Variants in ZNF273 observed in about 807,000 individuals in gnomAD.
ZNF273 encodes the protein zinc finger protein 273, also known as zinc finger protein 9.
ZNF273 carries 11 observed loss-of-function variants against 14.9 expected under a neutral mutation model. The observed-to-expected ratio is 0.74, with a 90% confidence interval of 0.46 to 1.22. ZNF273 has a LOEUF of 1.22. Among genes scored for constraint, ZNF273 ranks in the 50% most tolerant of loss-of-function variants. ZNF273 has a pLI of 0.00. For missense variants in ZNF273, 577 were observed against 660.6 expected, an observed-to-expected ratio of 0.87 and a Z score of 1.39; for synonymous variants, 199 against 223.9, an observed-to-expected ratio of 0.89 and a Z score of 0.99.
chr7:64,909,341 C>T (rs137870390), intron 1 of ZNF273, among the ~76,000 whole-genome samples: 7,761 of 152,084 alleles, frequency 0.051, 620 homozygotes, highest in African/African-American at 0.17. Flanking sequence ...TCTCCTGCCT[C>T]AGCCTCCCAA....
chr7:64,931,040 CAT>C (rs1357658391), downstream of ZNF273: 1 of 152,044 alleles, frequency 6.6e-6, no homozygotes, highest in Non-Finnish European at 1.5e-5. Context: ...TGCCTGCAAA[CAT>C]ATAAAGACTC....
chr7:64,896,670 C>G (rs1338583169), intron 3 of ZNF273, among the ~76,000 whole-genome samples: 1 of 151,882 alleles, frequency 6.6e-6, no homozygotes, highest in Non-Finnish European at 1.5e-5. Flanking sequence ...TAAAACAGCC[C>G]TTGGAAAAAT....
upstream of ZNF273, among the ~76,000 whole-genome samples, chr7:64,901,733 A>C (rs970986879): frequency 7.0e-6 from 1 of 143,712 alleles, no homozygotes; most frequent in Non-Finnish European, 1.5e-5. Flanking sequence ...GGCGGATCAC[A>C]TGAGGTTGGG....
At chr7:64,932,366 A>G (rs1795008008), downstream of ZNF273, among the ~76,000 whole-genome samples, 1 of 152,066 alleles carries the variant, frequency 6.6e-6, no homozygotes, top group South Asian at 2.1e-4. Flanking sequence ...GCTGGAGTGC[A>G]ATGGCGCGAT....
Position 64,903,304 on chromosome 7 carries a change from G to A in ZNF273, c.-14G>A, listed in dbSNP as rs560168551. On this transcript the variant is annotated 5_prime_UTR_variant, in exon 1 of 4. Transcript: ENST00000476120. ...CGCTGCAGTCGCAGCTCCAGGTCTC[G>A]TCTTCACTGCTCTATGTCCTCTGCT... 3.1e-6 allele frequency: 5 copies of A among 1,603,314 alleles called. No homozygotes were observed. The highest frequency in any genetic ancestry group is 2.2e-5 in the South Asian group (2 of 90,752).
chr7:64,893,232 A>T (rs1792143904), downstream of ZNF273, among the ~76,000 whole-genome samples: 1 of 152,204 alleles, frequency 6.6e-6, no homozygotes, highest in African/African-American at 2.4e-5. Context: ...ATCATCACTC[A>T]GAGACAACCA....
chr7:64,883,218 C>CCG (rs1562946585), downstream of ZNF273, among the ~76,000 whole-genome samples: 5 of 130,180 alleles, frequency 3.8e-5, no homozygotes, highest in African/African-American at 1.9e-4. Context: ...ATCACCACCC[C>CCG]CCCCTCACCA....
At chr7:64,918,429 G>A (rs1005340826) in intron 3 of ZNF273, 137 bp downstream of exon 3, 8 of 712,186 alleles carry the variant, frequency 1.1e-5, no homozygotes, top group African/African-American at 5.7e-5. Context: ...TTGGGAGGCC[G>A]AGGCGGGCGG....
Position 64,929,122 on chromosome 7 carries a change from G to A in ZNF273, c.*84G>A. ...TAATTCATACTGGAGAAAACTCCCA[G>A]AAGTGGAGTTTTCCTTATTGCACAG... is the stretch of plus-strand genomic sequence containing the variant. On this transcript the variant is annotated 3_prime_UTR_variant, in exon 4 of 4. Coordinates refer to ENST00000476120, the MANE Select transcript of ZNF273 (RefSeq NM_021148.3). 1 of 111,058 alleles carries A rather than the reference G, an allele frequency of 9.0e-6. No homozygotes were observed. The highest frequency in any genetic ancestry group is 2.1e-4 in the South Asian group (1 of 4,788). The allele number at this position is 111,058 out of a possible 1,614,324, so 6.9% of individuals were successfully genotyped here.
intron 1 of ZNF273, among the ~76,000 whole-genome samples, chr7:64,886,712 G>C (rs1791602941): frequency 6.6e-6 from 1 of 152,140 alleles, no homozygotes; most frequent in Non-Finnish European, 1.5e-5. Flanking sequence ...CCAAAGCCAG[G>C]TACAGTGGAG....
At position 64,930,073 on chromosome 7, in the gene ZNF273, A is replaced by T. The variant is rs1327097908; in HGVS notation, c.*1035A>T. The stretch of plus-strand genomic sequence containing the variant: ...GAGACAGGGTTTCTCCATGTTGGTC[A>T]GTCTGGTCTCAAACTCCCAACCTCA... On this transcript the variant is annotated 3_prime_UTR_variant, in exon 4 of 4. Coordinates refer to ENST00000476120, the MANE Select transcript of ZNF273 (RefSeq NM_021148.3). The T allele has an allele frequency of 6.6e-6, 1 of 152,174 alleles. No individual in the cohort carries two copies. Among genetic ancestry groups the T allele is most frequent in the East Asian group, 1.9e-4 (1 of 5,180 alleles). 9.4% of individuals were successfully genotyped at this position (152,174 alleles called of 1,614,324 possible). A position where few individuals can be genotyped will look rare whatever the true frequency, so the allele number is the denominator to read the frequency against.
chr7:64,917,283 G>A (rs554746785), intron 1 of ZNF273, among the ~76,000 whole-genome samples: 4 of 152,238 alleles, frequency 2.6e-5, no homozygotes, highest in East Asian at 3.9e-4. Flanking sequence ...AGCTGATTCT[G>A]TATGATGTAA....
chr7:64,935,208 T>C (rs534850440), downstream of ZNF273, among the ~76,000 whole-genome samples: 1 of 152,328 alleles, frequency 6.6e-6, no homozygotes, highest in Non-Finnish European at 1.5e-5. Flanking sequence ...GAGTATGTCA[T>C]CTGTAAACAG....
At chr7:64,878,677 A>T (rs1456379849) in intron 2 of ZNF273, among the ~76,000 whole-genome samples, 2 of 152,328 alleles carry the variant, frequency 1.3e-5, no homozygotes, top group East Asian at 3.9e-4. Context: ...GAACCACTGG[A>T]GCCCAAACTG....
chr7:64,885,236 C>T (rs1388172389), intron 1 of ZNF273, among the ~76,000 whole-genome samples: 1 of 152,214 alleles, frequency 6.6e-6, no homozygotes, highest in East Asian at 1.9e-4. Flanking sequence ...GTCAACAGTG[C>T]CCCAAGGCCT....
rs1794976987 is a variant in ZNF273, at chr7:64,930,865, C to T, written c.*1827C>T. ...GAGGTATCCCTTACTAGCATTTATC[C>T]TTTGTATTTTATTTTAAAATGTACA... On this transcript the variant is annotated 3_prime_UTR_variant, in exon 4 of 4. Transcript: ENST00000476120. 1 of 151,782 alleles carries T rather than the reference C, an allele frequency of 6.6e-6. No homozygotes were observed. The allele number at this position is 151,782 out of a possible 1,614,324, so 9.4% of individuals were successfully genotyped here. A position where few individuals can be genotyped will look rare whatever the true frequency, so the allele number is the denominator to read the frequency against.
At chr7:64,912,951 C>G (rs1380571627) in intron 1 of ZNF273, among the ~76,000 whole-genome samples, 2 of 149,382 alleles carry the variant, frequency 1.3e-5, no homozygotes, top group African/African-American at 2.5e-5. Flanking sequence ...GTTTTAGCCT[C>G]CCAAGTAGCT....
chr7:64,931,469 TTAG>T (rs1445672262), downstream of ZNF273, among the ~76,000 whole-genome samples: 4 of 152,116 alleles, frequency 2.6e-5, no homozygotes, highest in Non-Finnish European at 4.4e-5. Context: ...TTTATAAAAT[TTAG>T]TAGTGCACAA....
chr7:64,889,185 C>T (rs1392053875), downstream of ZNF273: 4 of 985,760 alleles, frequency 4.1e-6, no homozygotes, highest in African/African-American at 3.5e-5. This position sits in a 1 kb window ranked among gnomAD's most constrained non-coding sequence, Gnocchi z 4.2. Context: ...GCGGCGGCAG[C>T]CCCTGCAGTC....
Sources: gnomAD v4.1 joint callset for allele counts (sites outside exome capture counted in the v4.1 genomes callset) on GRCh38, gnomAD v4.1.1 for gene constraint, Gnocchi (gnomAD v3.1) non-coding constraint, MANE v1.5 for transcripts, NCBI Gene and HGNC (gene_info 2026-07-23, HGNC 2026-07-21) for gene names.